The following ABCA1 variants were observed in gnomAD, a reference collection of about 807,000 sequenced individuals.
The protein encoded by ABCA1 is ATP binding cassette subfamily A member 1.
A neutral mutation model predicts 262.5 loss-of-function variants in ABCA1; 133 were observed. The observed-to-expected ratio is 0.51, with a 90% confidence interval of 0.44 to 0.59. ABCA1 has a LOEUF of 0.59. Ranked by LOEUF, ABCA1 falls within the 20% of genes least tolerant of loss-of-function variation. The pLI is 0.00. For missense variants in ABCA1, 2,452 were observed against 2,777.5 expected (o/e 0.88, Z 2.63); for synonymous variants, 1,022 against 1,043.5 (o/e 0.98, Z 0.40).
intron 18 of ABCA1, among the ~76,000 whole-genome samples, chr9:104,822,883 T>C (rs1217382659): frequency 2.0e-5 from 3 of 152,058 alleles, no homozygotes; most frequent in Non-Finnish European, 4.4e-5. Context: ...ATTCAGAGTC[T>C]ATTGGGAAAA....
rs760946480 is a variant in ABCA1, at chr9:104,809,002, T to TA, written c.4274+463dup. ...AAGGGGGTTTTGAAGGAAAGTACAA[T>TA]AAAAATATACAATTTGAGAAGAAGA... On this transcript the variant is annotated intron_variant, in intron 30 of 49. Transcript: ENST00000374736. 6.5e-4 allele frequency among the ~76,000 whole-genome samples: 99 copies of TA among 152,198 alleles called. 4 individuals carry two copies. The highest frequency in any genetic ancestry group is 3.5e-4 in the Non-Finnish European group (24 of 68,014).
chr9:104,821,511 G>A lies in ABCA1; in HGVS notation c.2829-5C>T. ...AACAACCCGGTCAGGATTGACCTGA[G>A]GACAAAAATTTAGAAGTACAGAAGT... On this transcript the variant is annotated splice_region_variant and splice_polypyrimidine_tract_variant and intron_variant, in intron 19 of 49. Transcript: ENST00000374736. 1.2e-6 allele frequency: 2 copies of A among 1,613,784 alleles called. No individual in the cohort carries two copies. The highest frequency in any genetic ancestry group is 1.7e-6 in the Non-Finnish European group (2 of 1,180,000).
intron 2 of ABCA1, among the ~76,000 whole-genome samples, chr9:104,899,212 G>A (rs1022794865): frequency 2.6e-5 from 4 of 152,182 alleles, no homozygotes; most frequent in African/African-American, 9.7e-5. Flanking sequence ...TGGCCAAGCT[G>A]GGATTGGAAT....
chr9:104,853,388 G>A (rs1835550353), intron 7 of ABCA1, among the ~76,000 whole-genome samples: 1 of 152,154 alleles, frequency 6.6e-6, no homozygotes, highest in Non-Finnish European at 1.5e-5. Context: ...TGTCTGTGTT[G>A]GCAAAGACTG....
intron 1 of ABCA1, among the ~76,000 whole-genome samples, chr9:104,913,018 T>C (rs1841595281): frequency 6.6e-6 from 1 of 152,186 alleles, no homozygotes; most frequent in Non-Finnish European, 1.5e-5. Context: ...CCAAGAGAAT[T>C]TTGGGATAAA....
At chr9:104,790,459 C>G (rs1457799743) in intron 44 of ABCA1, among the ~76,000 whole-genome samples, 1 of 151,892 alleles carries the variant, frequency 6.6e-6, no homozygotes, top group Non-Finnish European at 1.5e-5. Context: ...GAAATGTAAC[C>G]CACTGGGAAA....
Position 104,787,119 on chromosome 9 carries a change from G to C in ABCA1, c.6205-143C>G, listed in dbSNP as rs574450686. 1.3e-4 allele frequency: 87 copies of C among 659,902 alleles called. 1 individual carries two copies. The highest frequency in any genetic ancestry group is 9.1e-4 in the South Asian group (39 of 42,644). 40.9% of individuals were successfully genotyped at this position (659,902 alleles called of 1,614,324 possible). ...TATTTCTTGATGAATCAAAGAATTA[G>C]AGTAACTTTCAAATTCATTTGTAAA... On this transcript the variant is annotated intron_variant, in intron 46 of 49. Coordinates refer to ENST00000374736, the MANE Select transcript of ABCA1 (RefSeq NM_005502.4).
At chr9:104,788,128 T>G in intron 45 of ABCA1, 74 bp from the exon 46 acceptor site, 1 of 1,481,712 alleles carries the variant, frequency 6.7e-7, no homozygotes, top group East Asian at 2.3e-5. Context: ...CATACATGTA[T>G]GAAAGTTCTT....
intron 29 of ABCA1, 45 bp downstream of exon 29, chr9:104,810,755 C>G: frequency 1.2e-6 from 2 of 1,613,924 alleles, no homozygotes; most frequent in East Asian, 2.2e-5. Context: ...CATCTTTGGT[C>G]TGCTCGAATC....
intron 33 of ABCA1, among the ~76,000 whole-genome samples, chr9:104,803,013 T>C (rs1379764668): frequency 6.6e-6 from 1 of 152,108 alleles, no homozygotes; most frequent in African/African-American, 2.4e-5. Context: ...CTCAAGGAAA[T>C]CAGTATATCA....
intron 5 of ABCA1, among the ~76,000 whole-genome samples, chr9:104,866,180 A>C (rs1837073511): frequency 6.6e-6 from 1 of 152,190 alleles, no homozygotes; most frequent in African/African-American, 2.4e-5. Flanking sequence ...AAATGAATGA[A>C]CAAGCAGATA....
At chr9:104,922,462 C>T (rs1214190192) in intron 1 of ABCA1, among the ~76,000 whole-genome samples, 1 of 152,302 alleles carries the variant, frequency 6.6e-6, no homozygotes, top group Non-Finnish European at 1.5e-5. Flanking sequence ...CCACTACTTA[C>T]GAACTCCATA....
chr9:104,862,632 GC>G (rs1941326020), intron 5 of ABCA1, among the ~76,000 whole-genome samples: 2 of 660 alleles, frequency 3.0e-3, no homozygotes, highest in African/African-American at 0.011. Flanking sequence ...AATGCAGACT[GC>G]CGGGCCGGGC....
chr9:104,841,344 G>C (rs746557824), intron 8 of ABCA1, among the ~76,000 whole-genome samples: 1 of 152,064 alleles, frequency 6.6e-6, no homozygotes, highest in Non-Finnish European at 1.5e-5. Flanking sequence ...GGAGGCTGAG[G>C]CAGGAGAATT....
chr9:104,898,375 C>T (rs540547987), intron 2 of ABCA1, among the ~76,000 whole-genome samples: 83 of 151,860 alleles, frequency 5.5e-4, no homozygotes, highest in African/African-American at 1.7e-3. Flanking sequence ...ATGGTGAAAC[C>T]GCATCTCTAT....
In ABCA1 at chr9:104,874,970, G is replaced by A. The variant is rs188649241; in HGVS notation, c.421+8069C>T. Among the ~76,000 whole-genome samples the A allele has an allele frequency of 1.6e-3, 244 of 151,970 alleles. 2 individuals are homozygous for A. In the East Asian group the frequency reaches 0.028, roughly 17 times the overall value. On this transcript the variant is annotated intron_variant, in intron 5 of 49. Coordinates refer to ENST00000374736, the MANE Select transcript of ABCA1 (RefSeq NM_005502.4). ...AAGTGAGGAGCCCCTCTACCCGGCCGCCGCCCCATCTGGGAGGTGTACCCA... is the reference window on the plus strand; with the variant it reads ...AAGTGAGGAGCCCCTCTACCCGGCCACCGCCCCATCTGGGAGGTGTACCCA...
At chr9:104,828,616 T>C (rs1488133738) in intron 15 of ABCA1, among the ~76,000 whole-genome samples, 1 of 152,204 alleles carries the variant, frequency 6.6e-6, no homozygotes, top group African/African-American at 2.4e-5. Context: ...TTTCAGATGC[T>C]GCCATGAACC....
At chr9:104,812,940 A>G (rs1448108611) in intron 27 of ABCA1, among the ~76,000 whole-genome samples, 1 of 152,238 alleles carries the variant, frequency 6.6e-6, no homozygotes. Context: ...TCCTTGTCTG[A>G]TAAGTACAGA....
In ABCA1 at chr9:104,804,646, A is replaced by G. The variant is rs1830613298; in HGVS notation, c.4539T>C (p.Tyr1513=). ...RNISDYLVKT[Y]VQIIAKSLKN... is the part of the protein sequence containing the mutation. ...GTCACCTTTTGGCTATGATCTGCACATACGTCTTCACCAGATAATCCGAAA... is the reference window on the plus strand; with the variant it reads ...GTCACCTTTTGGCTATGATCTGCACGTACGTCTTCACCAGATAATCCGAAA... The change falls in exon 32 of 50, where the codon TAT becomes TAC. Residue 1513 remains tyrosine, a synonymous_variant. Coordinates refer to ENST00000374736, the MANE Select transcript of ABCA1 (RefSeq NM_005502.4). 6.2e-7 allele frequency: 1 copy of G among 1,614,212 alleles called. No homozygotes were observed. Among genetic ancestry groups the G allele is most frequent in the Non-Finnish European group, 8.5e-7 (1 of 1,180,018 alleles).
Sources: allele counts gnomAD v4.1 joint callset (sites outside exome capture counted in the v4.1 genomes callset), GRCh38; gene constraint gnomAD v4.1.1; transcripts MANE v1.5; gene names NCBI Gene and HGNC (gene_info 2026-07-23, HGNC 2026-07-21).